The following QSOX1 variants were observed in gnomAD, a reference collection of about 807,000 sequenced individuals.
The protein encoded by QSOX1 is sulfhydryl oxidase 1.
QSOX1 carries 40 observed loss-of-function variants against 76.1 expected under a neutral mutation model. The ratio of observed to expected loss-of-function variants is 0.53; its 90% CI spans 0.41 to 0.68. The LOEUF is 0.68. Among genes scored for constraint, QSOX1 ranks in the 30% least tolerant of loss-of-function variants. QSOX1 has a pLI of 0.00. For synonymous variants in QSOX1, 392 were observed against 413.1 expected (o/e 0.95, Z 0.62); for missense variants, 931 against 974.3 (o/e 0.96, Z 0.59).
intron 1 of QSOX1, among the ~76,000 whole-genome samples, chr1:180,162,127 C>T (rs1202994337): frequency 6.6e-6 from 1 of 152,038 alleles, no homozygotes; most frequent in Non-Finnish European, 1.5e-5. Flanking sequence ...AACCTAATAA[C>T]CAAAATTAAG....
chr1:180,155,122 A>G lies in QSOX1; in HGVS notation c.215A>G (p.His72Arg). The change falls in exon 1 of 12, where the codon CAC becomes CGC. Residue 72 changes from histidine (H) to arginine (R), a missense_variant. Transcript: ENST00000367602. ...AVEFFASWCG[H>R]CIAFAPTWKA... ...GAGTTCTTCGCCTCCTGGTGCGGCC[A>G]CTGCATCGCCTTCGCCCCGACGTGG... The G allele has an allele frequency of 6.6e-7, 1 of 1,522,382 alleles. No individual in the cohort carries two copies. The highest frequency in any genetic ancestry group is 8.8e-7 in the Non-Finnish European group (1 of 1,139,700). The allele number at this position is 1,522,382 out of a possible 1,614,324, so 94.3% of individuals were successfully genotyped here.
rs142679272 is a variant in QSOX1, at chr1:180,189,662, C to T, written c.1128C>T (p.Asp376=). 54 of 1,612,396 alleles carry T rather than the reference C, an allele frequency of 3.3e-5. No individual in the cohort carries two copies. The East Asian group carries it at 3.8e-4, about 11-fold the overall frequency. The change falls in exon 9 of 12, where the codon GAC becomes GAT. Residue 376 remains aspartate, a synonymous_variant. Transcript: ENST00000367602. ...ACAGTTTCTTTAAAACTGCCCTGGA[C>T]GACAGGAAAGAGGTGAGTCTGGGAA... is the stretch of plus-strand genomic sequence containing the variant. The part of the protein sequence containing the change: ...IPYSFFKTAL[D]DRKEGAVLAK...
At chr1:180,193,564 G>C (rs1239833866) in intron 10 of QSOX1, among the ~76,000 whole-genome samples, 1 of 152,082 alleles carries the variant, frequency 6.6e-6, no homozygotes, top group African/African-American at 2.4e-5. Context: ...TGGAGCCTGA[G>C]GGTGAAGGGC....
intron 2 of QSOX1, among the ~76,000 whole-genome samples, chr1:180,169,511 T>A (rs1662713818): frequency 6.6e-6 from 1 of 152,234 alleles, no homozygotes; most frequent in African/African-American, 2.4e-5. Flanking sequence ...TCCTTGTCTG[T>A]AAACATGGGA....
chr1:180,156,951 T>TG, intron 1 of QSOX1, among the ~76,000 whole-genome samples: 1 of 152,266 alleles, frequency 6.6e-6, no homozygotes, highest in Non-Finnish European at 1.5e-5. Flanking sequence ...TTGAGAGTGC[T>TG]GGGGGGAAAG....
At chr1:180,168,669 T>A (rs1662691038) in intron 2 of QSOX1, among the ~76,000 whole-genome samples, 1 of 151,654 alleles carries the variant, frequency 6.6e-6, no homozygotes, top group Non-Finnish European at 1.5e-5. Flanking sequence ...TTTTCTGTTC[T>A]ATTTTTTTTT....
chr1:180,197,987 C>G lies in QSOX1; in HGVS notation c.*950C>G. On this transcript the variant is annotated 3_prime_UTR_variant, in exon 12 of 12. Coordinates refer to ENST00000367602, the MANE Select transcript of QSOX1 (RefSeq NM_002826.5). ...TTACACATGCTTGATTCCCACGCTA[C>G]CCCCTGCCTTGGGAGGTGTGTGGAA... The G allele has an allele frequency of 2.8e-6, 1 of 359,092 alleles. No individual in the cohort carries two copies. 22.2% of individuals were successfully genotyped at this position (359,092 alleles called of 1,614,324 possible).
chr1:180,174,044 T>C (rs776668020), intron 2 of QSOX1, among the ~76,000 whole-genome samples: 2 of 152,236 alleles, frequency 1.3e-5, no homozygotes. Context: ...AACAGCTCTA[T>C]CCCAAGGAGG....
Position 180,182,269 on chromosome 1 carries a change from C to A in QSOX1, c.702C>A (p.Phe234Leu), listed in dbSNP as rs1663058405. ...TGAGAAAGTTTGGTGTCACCGACTT[C>A]CCCTCTTGCTACCTGCTGTTCCGGA... Reference protein sequence around the residue: ...NVVRKFGVTDFPSCYLLFRNG... With the variant: ...NVVRKFGVTDLPSCYLLFRNG... Residue 234 changes from phenylalanine to leucine, a missense_variant, in exon 6 of 12, where the codon TTC becomes TTA. By Grantham distance (22) the Phe-to-Leu change is conservative. Coordinates refer to ENST00000367602, the MANE Select transcript of QSOX1 (RefSeq NM_002826.5). The A allele has an allele frequency of 6.2e-7, 1 of 1,614,110 alleles. No homozygotes were observed.
At position 180,175,382 on chromosome 1, in the gene QSOX1, T is replaced by C. The variant is rs199635715; in HGVS notation, c.412+16T>C. The C allele has an allele frequency of 6.5e-5, 105 of 1,612,608 alleles. No individual in the cohort carries two copies. In the Admixed American group the frequency reaches 1.7e-3, roughly 27 times the overall value. On this transcript the variant is annotated intron_variant, in intron 3 of 11. Transcript: ENST00000367602. ...GTATTTCCAGGTGGGTGCCCAGCTCTGGTTGTCCTGTTAGCATCTTCCTCC... is the reference window on the plus strand; with the variant it reads ...GTATTTCCAGGTGGGTGCCCAGCTCCGGTTGTCCTGTTAGCATCTTCCTCC...
In QSOX1 at chr1:180,196,838, C is replaced by G. The variant is rs761707820; in HGVS notation, c.2045C>G (p.Pro682Arg). The G allele has an allele frequency of 7.5e-6, 12 of 1,607,526 alleles. No homozygotes were observed. The highest frequency in any genetic ancestry group is 9.4e-6 in the Non-Finnish European group (11 of 1,175,504). Residue 682 changes from proline (P) to arginine (R), a missense_variant, in exon 12 of 12, where the codon CCT becomes CGT. By Grantham distance (103) the Pro-to-Arg change is moderately radical. Transcript: ENST00000367602. This position sits in a 1 kb window ranked among gnomAD's most constrained non-coding sequence, Gnocchi z 4.1. ...AGCTCCAAGCAGCTGGTCGACATCC[C>G]TGAGGGCCAGCTGGAGGCCCGAGCT... Reference protein sequence around the residue: ...GRSSKQLVDIPEGQLEARAGR... With the variant: ...GRSSKQLVDIREGQLEARAGR...
chr1:180,197,440 G>T lies in QSOX1; in HGVS notation c.*403G>T. 1 of 1,558,324 alleles carries T rather than the reference G, an allele frequency of 6.4e-7. No homozygotes were observed. Among genetic ancestry groups the T allele is most frequent in the South Asian group, 1.1e-5 (1 of 89,362 alleles). ...CAGAGGAGGGTCCCCCAGCTGGGTG[G>T]GCTGGAATGGAACTCCTCACTAGCT... On this transcript the variant is annotated 3_prime_UTR_variant, in exon 12 of 12. Coordinates refer to ENST00000367602, the MANE Select transcript of QSOX1 (RefSeq NM_002826.5).
chr1:180,172,370 T>G (rs1162268431), intron 2 of QSOX1, among the ~76,000 whole-genome samples: 1 of 152,102 alleles, frequency 6.6e-6, no homozygotes, highest in Non-Finnish European at 1.5e-5. Flanking sequence ...AGGGAACAGC[T>G]GAGGTGCAGC....
chr1:180,160,070 T>C (rs3842888), intron 1 of QSOX1, among the ~76,000 whole-genome samples: 106,394 of 151,936 alleles, frequency 0.7, 40,854 homozygotes, highest in Non-Finnish European at 0.85. Context: ...TGCATATAGA[T>C]ATTTAAGACT....
chr1:180,180,490 G>C (rs143736960), intron 5 of QSOX1, among the ~76,000 whole-genome samples: 1 of 152,128 alleles, frequency 6.6e-6, no homozygotes, highest in African/African-American at 2.4e-5. Flanking sequence ...GATTACAGAC[G>C]TGAGCCACTG....
In QSOX1 at chr1:180,178,818, T is replaced by C. The variant is rs1558188438; in HGVS notation, c.540T>C (p.Phe180=). The stretch of plus-strand genomic sequence containing the variant: ...GGCTGGAGGAGATTGATGGATTCTT[T>C]GCGAGAAATAACGAAGAGTACCTGG... The part of the protein sequence containing the change: ...PAKLEEIDGF[F]ARNNEEYLAL... The change falls in exon 5 of 12, where the codon TTT becomes TTC. Residue 180 remains phenylalanine (F), a synonymous_variant. Transcript: ENST00000367602. 6.2e-7 allele frequency: 1 copy of C among 1,613,944 alleles called. No homozygotes were observed. Among genetic ancestry groups the C allele is most frequent in the Non-Finnish European group, 8.5e-7 (1 of 1,179,808 alleles).
rs540406842 is a variant in QSOX1, at chr1:180,200,852, T to G, written c.*3815T>G. ...TGTTCCATCGGTAGAGTTACACACT[T>G]TCCTGAGACTTTATATGGTGGTGCT... On this transcript the variant is annotated 3_prime_UTR_variant, in exon 12 of 12. Coordinates refer to ENST00000367602, the MANE Select transcript of QSOX1 (RefSeq NM_002826.5). 5 of 152,332 alleles carry G rather than the reference T, an allele frequency of 3.3e-5. No homozygotes were observed. Among genetic ancestry groups the G allele is most frequent in the African/African-American group, 9.6e-5 (4 of 41,578 alleles). 9.4% of individuals were successfully genotyped at this position (152,332 alleles called of 1,614,324 possible).
At position 180,194,293 on chromosome 1, in the gene QSOX1, G is replaced by A. The variant is rs758589984; in HGVS notation, c.1369G>A (p.Glu457Lys). Residue 457 changes from glutamate (E) to lysine (K), a missense_variant, in exon 11 of 12, where the codon GAG (glutamate) becomes AAG (lysine). Transcript: ENST00000367602. The stretch of plus-strand genomic sequence containing the variant: ...CTGCCGAGACTGCGCTAGCCACTTC[G>A]AGCAGATGGCTGCTGCCTCCATGCA... ...FGCRDCASHF[E>K]QMAAASMHRV... 2.0e-5 allele frequency: 33 copies of A among 1,612,566 alleles called. No individual in the cohort carries two copies. The highest frequency in any genetic ancestry group is 8.0e-5 in the African/African-American group (6 of 74,908).
chr1:180,189,846 A>G (rs1388504420), intron 9 of QSOX1, among the ~76,000 whole-genome samples, 172 bp downstream of exon 9: 1 of 152,192 alleles, frequency 6.6e-6, no homozygotes, highest in African/African-American at 2.4e-5. Context: ...CTCTATGCGC[A>G]CATCTCATTT....
Sources: gnomAD v4.1 joint callset for allele counts (sites outside exome capture counted in the v4.1 genomes callset) on GRCh38, gnomAD v4.1.1 for gene constraint, Gnocchi (gnomAD v3.1) non-coding constraint, MANE v1.5 for transcripts, NCBI Gene and HGNC (gene_info 2026-07-23, HGNC 2026-07-21) for gene names.